NUTM2B: variants seen among roughly 807,000 people sequenced by gnomAD.
NUTM2B encodes the protein NUT family member 2B.
In NUTM2B, 2 loss-of-function variants were observed where a neutral mutation model predicts 42.4. The observed-to-expected ratio is 0.05, with a 90% CI of 0.02 to 0.15. NUTM2B has a LOEUF of 0.15. NUTM2B is among the 10% of genes least tolerant of loss of function. The pLI is 1.00. For missense variants in NUTM2B, 58 were observed against 952.6 expected (o/e 0.06, Z 12.36); for synonymous variants, 18 against 402.4 (o/e 0.04, Z 11.43).
chr10:79,698,163 T>TCC, the NUTM2B span, among the ~76,000 whole-genome samples: 529 of 95,540 alleles, frequency 5.5e-3, 2 homozygotes, highest in African/African-American at 0.019. Context: ...ACCCATACAA[T>TCC]ACAAAAAAAA....
chr10:79,701,447 G>C (rs1174703123), upstream of NUTM2B, among the ~76,000 whole-genome samples: 2 of 152,152 alleles, frequency 1.3e-5, no homozygotes, highest in South Asian at 2.1e-4. Flanking sequence ...ACTTCAGTTT[G>C]TAATACCTTC....
the NUTM2B span, among the ~76,000 whole-genome samples, chr10:79,697,720 C>T: frequency 2.1e-5 from 3 of 140,870 alleles, no homozygotes; most frequent in African/African-American, 5.3e-5. Flanking sequence ...TAATGAAAAT[C>T]CTATAGGCAT....
chr10:79,694,397 C>CAAAA, the NUTM2B span, among the ~76,000 whole-genome samples: 1 of 126,510 alleles, frequency 7.9e-6, no homozygotes, highest in East Asian at 2.4e-4. Context: ...GACTCTGTCT[C>CAAAA]AAAAAAAAAA....
At chr10:79,700,478 G>A (rs1327390475), upstream of NUTM2B, among the ~76,000 whole-genome samples, 4 of 152,378 alleles carry the variant, frequency 2.6e-5, no homozygotes, top group Non-Finnish European at 4.4e-5. Flanking sequence ...AAAGGAGCGC[G>A]GCCTGGGCGT....
chr10:79,706,972 T>C (rs1213245399), intron 2 of NUTM2B, among the ~76,000 whole-genome samples: 1 of 112,132 alleles, frequency 8.9e-6, no homozygotes, highest in Non-Finnish European at 1.7e-5. Context: ...CGGCCAATCC[T>C]TACTTTCAAT....
upstream of NUTM2B, among the ~76,000 whole-genome samples, chr10:79,700,395 G>A (rs1260581597): frequency 6.6e-6 from 1 of 152,260 alleles, no homozygotes; most frequent in Non-Finnish European, 1.5e-5. Flanking sequence ...GAAAGGCACG[G>A]CCGAGACACA....
chr10:79,696,147 C>T, the NUTM2B span, among the ~76,000 whole-genome samples: 2 of 148,020 alleles, frequency 1.4e-5, no homozygotes, highest in African/African-American at 2.5e-5. Flanking sequence ...TGAACACACA[C>T]ACCGCCCCCC....
intron 2 of NUTM2B, among the ~76,000 whole-genome samples, 169 bp from the exon 3 acceptor site, chr10:79,708,529 GT>G (rs1840430455): frequency 7.4e-6 from 1 of 135,240 alleles, no homozygotes; most frequent in Non-Finnish European, 1.6e-5. Context: ...TTGTGTTGAT[GT>G]TTGATCTTGG....
the NUTM2B span, among the ~76,000 whole-genome samples, chr10:79,695,203 T>C: frequency 0.26 from 39,220 of 151,626 alleles, 5,685 homozygotes; most frequent in East Asian, 0.69. Context: ...CCCAATGCTT[T>C]CCACAAGAAG....
chr10:79,695,046 G>A, the NUTM2B span, among the ~76,000 whole-genome samples: 1 of 152,176 alleles, frequency 6.6e-6, no homozygotes, highest in Non-Finnish European at 1.5e-5. Flanking sequence ...TTCTGCCCCA[G>A]GACCTGAGCC....
intron 3 of NUTM2B, among the ~76,000 whole-genome samples, chr10:79,709,585 C>T (rs1390005981): frequency 7.6e-6 from 1 of 131,352 alleles, no homozygotes; most frequent in South Asian, 3.2e-4. Context: ...CAGGAAGCCC[C>T]GTTGATGCCA....
chr10:79,699,913 A>G (rs1483111737), upstream of NUTM2B, among the ~76,000 whole-genome samples: 2 of 152,236 alleles, frequency 1.3e-5, no homozygotes, highest in African/African-American at 2.4e-5. Flanking sequence ...ACACCCTCCA[A>G]AATCCAAAAT....
chr10:79,705,679 T>C (rs1294254929), intron 1 of NUTM2B, among the ~76,000 whole-genome samples: 8 of 141,392 alleles, frequency 5.7e-5, no homozygotes, highest in African/African-American at 2.1e-4. Context: ...CCCTCACCTG[T>C]TGCTGAGCAC....
At chr10:79,694,783 G>A in the NUTM2B span, among the ~76,000 whole-genome samples, 4 of 152,186 alleles carry the variant, frequency 2.6e-5, no homozygotes, top group Non-Finnish European at 5.9e-5. Flanking sequence ...CAGGAGATGC[G>A]AGTGGGAGGT....
upstream of NUTM2B, among the ~76,000 whole-genome samples, chr10:79,700,070 G>C (rs2913149): frequency 6.6e-6 from 1 of 151,586 alleles, no homozygotes; most frequent in Non-Finnish European, 1.5e-5. Context: ...ATAAGTAAGC[G>C]ATTGTCATGG....
chr10:79,709,737 C>G, intron 3 of NUTM2B, 63 bp from the exon 4 acceptor site: 1 of 510,540 alleles, frequency 2.0e-6, no homozygotes, highest in Non-Finnish European at 3.3e-6. Flanking sequence ...TCGGCCGCTG[C>G]CTGGTCCTGC....
the NUTM2B span, among the ~76,000 whole-genome samples, chr10:79,696,301 T>C: frequency 6.6e-6 from 1 of 151,920 alleles, no homozygotes; most frequent in African/African-American, 2.4e-5. Flanking sequence ...AACACAGAGA[T>C]GAGAAGAGAT....
chr10:79,692,258 T>C, the NUTM2B span, among the ~76,000 whole-genome samples: 4 of 152,250 alleles, frequency 2.6e-5, no homozygotes, highest in African/African-American at 9.6e-5. Context: ...CTAACAGTTA[T>C]GCCATATGCA....
the NUTM2B span, chr10:79,692,170 G>T: frequency 6.6e-6 from 1 of 152,176 alleles, no homozygotes; most frequent in Non-Finnish European, 1.5e-5. Flanking sequence ...AGAAGAGGGG[G>T]CTCTGAGTGT....
Sources: allele counts gnomAD v4.1 joint callset (sites outside exome capture counted in the v4.1 genomes callset), GRCh38; gene constraint gnomAD v4.1.1; transcripts MANE v1.5; gene names NCBI Gene and HGNC (gene_info 2026-07-23, HGNC 2026-07-21).